The following CASQ2 variants were observed in gnomAD, a reference collection of about 807,000 sequenced individuals.
CASQ2 encodes the protein calsequestrin 2, also known as calsequestrin-2.
A neutral mutation model predicts 46.5 loss-of-function variants in CASQ2; 49 were observed. The observed-to-expected ratio is 1.05, with a 90% CI of 0.84 to 1.34. The LOEUF is 1.34. Ranked by LOEUF, CASQ2 falls within the 40% of genes most tolerant of loss-of-function variation. The probability of loss-of-function intolerance (pLI) is 0.00; values close to 1 mark genes in which losing one functional copy is unlikely to be tolerated. For missense variants in CASQ2, 486 were observed against 481.3 expected (o/e 1.01, Z -0.09); for synonymous variants, 174 against 168.5 (o/e 1.03, Z -0.25).
chr1:115,745,265 G>A (rs1249696750), intron 1 of CASQ2, among the ~76,000 whole-genome samples: 1 of 152,194 alleles, frequency 6.6e-6, no homozygotes, highest in Non-Finnish European at 1.5e-5. Flanking sequence ...GGGGCCCTGA[G>A]CCCTTCTCTA....
At chr1:115,705,774 C>A (rs1411841655) in intron 8 of CASQ2, among the ~76,000 whole-genome samples, 1 of 152,166 alleles carries the variant, frequency 6.6e-6, no homozygotes, top group Non-Finnish European at 1.5e-5. Flanking sequence ...TTCTGATTTA[C>A]AGTTGGTTTC....
chr1:115,702,254 T>C (rs1654226233), intron 10 of CASQ2, among the ~76,000 whole-genome samples: 2 of 152,208 alleles, frequency 1.3e-5, no homozygotes, highest in African/African-American at 4.8e-5. Flanking sequence ...CTATCTTAAT[T>C]AAGTATGGCT....
rs1048509293 is a variant in CASQ2, at chr1:115,744,901, C to G, written c.246G>C (p.Gln82His). ...AGCCTATAGCTTTATGTTCAAGGAC[C>G]TGGGCCACAAGCTGAAGAAACAAAT... ...LKEIVLELVA[Q>H]VLEHKAIGFV... The change falls in exon 2 of 11, where the codon CAG (glutamine) becomes CAC (histidine). Residue 82 changes from glutamine to histidine, a missense_variant. Physicochemically the swap from Gln to His is conservative, Grantham distance 24. Coordinates refer to ENST00000261448, the MANE Select transcript of CASQ2 (RefSeq NM_001232.4). 2.5e-6 allele frequency: 4 copies of G among 1,612,816 alleles called. No homozygotes were observed. Among genetic ancestry groups the G allele is most frequent in the Non-Finnish European group, 3.4e-6 (4 of 1,179,164 alleles).
chr1:115,747,203 T>C (rs6687961), intron 1 of CASQ2, among the ~76,000 whole-genome samples: 41,618 of 152,112 alleles, frequency 0.27, 6,091 homozygotes, highest in East Asian at 0.43. Context: ...GATGTCCGAC[T>C]GTTCCGATAT....
intron 8 of CASQ2, among the ~76,000 whole-genome samples, chr1:115,708,906 T>G (rs1324892258): frequency 6.6e-6 from 1 of 152,228 alleles, no homozygotes; most frequent in Non-Finnish European, 1.5e-5. Context: ...CTGTTGCCGA[T>G]TCTGTGACCA....
At position 115,700,985 on chromosome 1, in the gene CASQ2, A is replaced by G; in HGVS notation, c.*256T>C. ...ACCCTTGATGGTCCAGCAAAGAACA[A>G]GATCTGTTCCGTGACAGTCAAGACA... On this transcript the variant is annotated 3_prime_UTR_variant, in exon 11 of 11. Coordinates refer to ENST00000261448, the MANE Select transcript of CASQ2 (RefSeq NM_001232.4). 1 of 623,868 alleles carries G rather than the reference A, an allele frequency of 1.6e-6. No homozygotes were observed. Among genetic ancestry groups the G allele is most frequent in the Non-Finnish European group, 2.9e-6 (1 of 350,870 alleles). 38.6% of individuals were successfully genotyped at this position (623,868 alleles called of 1,614,324 possible).
At chr1:115,729,770 G>C (rs1647725537) in intron 5 of CASQ2, among the ~76,000 whole-genome samples, 1 of 152,174 alleles carries the variant, frequency 6.6e-6, no homozygotes, top group African/African-American at 2.4e-5. Flanking sequence ...CGCAGTTTTT[G>C]CCAAAAGTAA....
At position 115,768,668 on chromosome 1, in the gene CASQ2, C is replaced by A. The variant is rs1430563854; in HGVS notation, c.-127G>T. 19 of 711,360 alleles carry A rather than the reference C, an allele frequency of 2.7e-5. No homozygotes were observed. The highest frequency in any genetic ancestry group is 4.7e-5 in the Non-Finnish European group (19 of 405,684). 44.1% of individuals were successfully genotyped at this position (711,360 alleles called of 1,614,324 possible). ...TGATTTTCTCTCTTCTTTGCCCTTC[C>A]TGGGGCTGAAAAGTGACTCTTCACC... On this transcript the variant is annotated 5_prime_UTR_variant, in exon 1 of 11. The change creates a new upstream start codon in the 5' untranslated region. Transcript: ENST00000261448.
chr1:115,740,432 C>T (rs1338891555), intron 3 of CASQ2, among the ~76,000 whole-genome samples: 1 of 152,184 alleles, frequency 6.6e-6, no homozygotes, highest in Non-Finnish European at 1.5e-5. Flanking sequence ...AGCTCCTCTT[C>T]AGTAGCAGTG....
intron 8 of CASQ2, among the ~76,000 whole-genome samples, chr1:115,706,658 A>G (rs1457762535): frequency 6.6e-6 from 1 of 152,232 alleles, no homozygotes; most frequent in Non-Finnish European, 1.5e-5. Flanking sequence ...GTGGCTTGAA[A>G]TTTATACGTT....
chr1:115,706,937 G>T (rs1344109577), intron 8 of CASQ2, among the ~76,000 whole-genome samples: 1 of 152,134 alleles, frequency 6.6e-6, no homozygotes, highest in Non-Finnish European at 1.5e-5. Context: ...TTTTGAGTTG[G>T]TGTAGTCACT....
chr1:115,703,156 C>T (rs566668091), intron 9 of CASQ2, among the ~76,000 whole-genome samples, 161 bp from the exon 10 acceptor site: 1 of 152,330 alleles, frequency 6.6e-6, no homozygotes, highest in Non-Finnish European at 1.5e-5. Flanking sequence ...AGCCTTCAAG[C>T]ACTTCAAATA....
chr1:115,767,114 T>A (rs967756917), intron 1 of CASQ2, among the ~76,000 whole-genome samples: 1 of 152,122 alleles, frequency 6.6e-6, no homozygotes, highest in Admixed American at 6.5e-5. Context: ...TATGGCAGTT[T>A]GAGATGGAGA....
At position 115,740,786 on chromosome 1, in the gene CASQ2, C is replaced by T. The variant is rs759805011; in HGVS notation, c.362G>A (p.Arg121His). The T allele has an allele frequency of 2.7e-5, 44 of 1,613,422 alleles. No individual in the cohort carries two copies. The highest frequency in any genetic ancestry group is 3.3e-5 in the South Asian group (3 of 91,026). ...AAACTCGCCATCAAACTCTATTGTG[C>T]GATCACCCTTAAGAATATACAGGCT... is the stretch of plus-strand genomic sequence containing the variant. ...EGSLYILKGD[R>H]TIEFDGEFAA... The change falls in exon 3 of 11, where the codon CGC becomes CAC. Residue 121 changes from arginine to histidine, a missense_variant. Physicochemically the swap from Arg to His is conservative, Grantham distance 29. Transcript: ENST00000261448.
chr1:115,762,261 A>T (rs1198700989), intron 1 of CASQ2, among the ~76,000 whole-genome samples: 1 of 152,216 alleles, frequency 6.6e-6, no homozygotes, highest in East Asian at 1.9e-4. Context: ...CAGAATCTGG[A>T]AAGTATTGCT....
intron 1 of CASQ2, among the ~76,000 whole-genome samples, chr1:115,750,799 G>A (rs549450412): frequency 8.9e-5 from 13 of 145,424 alleles, no homozygotes; most frequent in Middle Eastern, 3.6e-3. Flanking sequence ...GAGCCACCGC[G>A]CCCAGCCTAA....
chr1:115,702,226 C>G (rs186396145), intron 10 of CASQ2, among the ~76,000 whole-genome samples: 8 of 152,224 alleles, frequency 5.3e-5, no homozygotes, highest in Admixed American at 5.2e-4. Flanking sequence ...CTGGCTTGGC[C>G]CCCATTCTTA....
chr1:115,749,506 T>G (rs543840422), intron 1 of CASQ2, among the ~76,000 whole-genome samples: 1 of 152,326 alleles, frequency 6.6e-6, no homozygotes, highest in East Asian at 1.9e-4. Flanking sequence ...CAGGATCCCA[T>G]GCCTAACTGA....
rs75102386 is a variant in CASQ2 at position 115,758,513 on chromosome 1, G to A, written c.234+9795C>T. ...CTATAGCAGGTGCTGTAGTTTGGACGTTTTTCCCTCCAAATCTTACATTAA... is the reference window on the plus strand; with the variant it reads ...CTATAGCAGGTGCTGTAGTTTGGACATTTTTCCCTCCAAATCTTACATTAA... On this transcript the variant is annotated intron_variant, in intron 1 of 10. Coordinates refer to ENST00000261448, the MANE Select transcript of CASQ2 (RefSeq NM_001232.4). Among the ~76,000 whole-genome samples, 1,019 of 152,276 alleles carry A rather than the reference G, an allele frequency of 6.7e-3. 10 individuals carry two copies. The highest frequency in any genetic ancestry group is 0.022 in the African/African-American group (932 of 41,558).
Sources: gnomAD v4.1 joint callset for allele counts (sites outside exome capture counted in the v4.1 genomes callset) on GRCh38, gnomAD v4.1.1 for gene constraint, MANE v1.5 for transcripts, NCBI Gene and HGNC (gene_info 2026-07-23, HGNC 2026-07-21) for gene names.